The following C10orf90 variants were observed in gnomAD, a reference collection of about 807,000 sequenced individuals.
C10orf90 encodes the protein chromosome 10 open reading frame 90.
In C10orf90, 56 loss-of-function variants were observed where a neutral mutation model predicts 62.5. The observed-to-expected ratio is 0.90, with a 90% CI of 0.72 to 1.12. The LOEUF is 1.12. Ranked by LOEUF, C10orf90 falls within the 50% of genes most tolerant of loss-of-function variation. The pLI is 0.00. For synonymous variants in C10orf90, 386 were observed against 340.4 expected (o/e 1.13, Z -1.47); for missense variants, 970 against 880.4 (o/e 1.10, Z -1.29).
At chr10:126,552,646 G>A (rs1307253683) in intron 2 of C10orf90, among the ~76,000 whole-genome samples, 2 of 152,182 alleles carry the variant, frequency 1.3e-5, no homozygotes, top group South Asian at 2.1e-4. Flanking sequence ...TGGCTCAGTG[G>A]GCATTTCCTT....
chr10:126,461,680 T>C, intron 5 of C10orf90, 95 bp from the exon 6 acceptor site: 1 of 1,255,754 alleles, frequency 8.0e-7, no homozygotes, highest in Admixed American at 2.6e-5. Context: ...ATTTTGAAAA[T>C]AGAAACGCCA....
At chr10:126,576,660 T>A (rs111459668) in intron 2 of C10orf90, among the ~76,000 whole-genome samples, 3,954 of 55,932 alleles carry the variant, frequency 0.071, 1,165 homozygotes, top group Middle Eastern at 0.13. Context: ...CCAAGATATG[T>A]ATACATATAT....
At chr10:126,638,563 C>T (rs1219775437) in intron 2 of C10orf90, among the ~76,000 whole-genome samples, 2 of 152,144 alleles carry the variant, frequency 1.3e-5, no homozygotes, top group Admixed American at 1.3e-4. Context: ...TCTCTCTCCC[C>T]CTGCCAGGCC....
chr10:126,458,900 G>C (rs527270597), intron 7 of C10orf90, 140 bp downstream of exon 7: 8 of 901,968 alleles, frequency 8.9e-6, no homozygotes, highest in South Asian at 5.5e-5. Context: ...TGATGCTGAG[G>C]GTCAGCCACT....
intron 4 of C10orf90, among the ~76,000 whole-genome samples, chr10:126,493,473 G>A (rs1861871999): frequency 6.6e-6 from 1 of 151,210 alleles, no homozygotes; most frequent in Non-Finnish European, 1.5e-5. Flanking sequence ...TGATTCATCT[G>A]CCTAAGTCTC....
chr10:126,588,434 C>T (rs1054437687), intron 2 of C10orf90, among the ~76,000 whole-genome samples: 5 of 152,096 alleles, frequency 3.3e-5, no homozygotes, highest in East Asian at 1.9e-4. Flanking sequence ...GTGTTCCAGC[C>T]GGCATCAGAT....
At chr10:126,446,492 TG>T (rs1564797665) in intron 7 of C10orf90, among the ~76,000 whole-genome samples, 2 of 152,118 alleles carry the variant, frequency 1.3e-5, no homozygotes, top group South Asian at 2.1e-4. Flanking sequence ...TTCAAAGTGC[TG>T]GGGGGAAAAA....
chr10:126,455,195 A>G (rs1165619898), intron 7 of C10orf90, among the ~76,000 whole-genome samples: 2 of 152,108 alleles, frequency 1.3e-5, no homozygotes, highest in Non-Finnish European at 2.9e-5. Flanking sequence ...CAGCATCTAC[A>G]GTTCATCTTT....
chr10:126,564,058 A>G (rs1464541130), intron 2 of C10orf90, among the ~76,000 whole-genome samples: 4 of 152,078 alleles, frequency 2.6e-5, no homozygotes, highest in Non-Finnish European at 1.5e-5. Context: ...CAGGTGTGAA[A>G]ACCACAAATG....
At chr10:126,636,715 T>C (rs1845958665) in intron 2 of C10orf90, among the ~76,000 whole-genome samples, 2 of 152,246 alleles carry the variant, frequency 1.3e-5, no homozygotes, top group South Asian at 2.1e-4. Flanking sequence ...TCAATTTATG[T>C]TGCATTTGTT....
chr10:126,431,115 T>G (rs1857546721), intron 7 of C10orf90, among the ~76,000 whole-genome samples: 1 of 152,210 alleles, frequency 6.6e-6, no homozygotes, highest in Non-Finnish European at 1.5e-5. Context: ...TATTTCCAAC[T>G]AAGTGGCTGT....
chr10:126,450,946 A>G (rs565129467), intron 7 of C10orf90, among the ~76,000 whole-genome samples: 1 of 152,318 alleles, frequency 6.6e-6, no homozygotes, highest in East Asian at 1.9e-4. Context: ...CATATGTCCA[A>G]TAAGGGGTTA....
At chr10:126,451,255 G>A (rs139407304) in intron 7 of C10orf90, among the ~76,000 whole-genome samples, 14 of 152,152 alleles carry the variant, frequency 9.2e-5, no homozygotes, top group African/African-American at 2.9e-4. Context: ...AAATTAGTAC[G>A]GCCATTATGG....
intron 2 of C10orf90, among the ~76,000 whole-genome samples, chr10:126,544,385 T>C (rs1864442962): frequency 2.0e-5 from 3 of 152,160 alleles, no homozygotes; most frequent in African/African-American, 7.2e-5. Flanking sequence ...CTCTAGAACT[T>C]GGCCCATCCT....
intron 4 of C10orf90, among the ~76,000 whole-genome samples, chr10:126,478,610 C>T (rs1861016625): frequency 1.3e-5 from 2 of 152,170 alleles, no homozygotes; most frequent in Non-Finnish European, 2.9e-5. Flanking sequence ...TCAAAGATGG[C>T]TGTTTCCTGC....
intron 2 of C10orf90, among the ~76,000 whole-genome samples, chr10:126,567,351 C>G (rs1307585129): frequency 6.6e-6 from 1 of 152,020 alleles, no homozygotes; most frequent in Non-Finnish European, 1.5e-5. Context: ...TTCAAACAAC[C>G]AGATCTTGTA....
intron 4 of C10orf90, among the ~76,000 whole-genome samples, chr10:126,493,910 A>G (rs1306639654): frequency 6.6e-6 from 1 of 152,230 alleles, no homozygotes; most frequent in Non-Finnish European, 1.5e-5. Context: ...CCAAATGTAC[A>G]ACACTGTGAC....
chr10:126,552,241 C>T (rs1310506092), intron 2 of C10orf90, among the ~76,000 whole-genome samples: 3 of 152,178 alleles, frequency 2.0e-5, no homozygotes, highest in Non-Finnish European at 4.4e-5. Context: ...ATACAGGGAA[C>T]CATGTAGTAT....
intron 7 of C10orf90, among the ~76,000 whole-genome samples, chr10:126,432,989 G>T (rs1857679820): frequency 6.6e-6 from 1 of 152,190 alleles, no homozygotes; most frequent in Admixed American, 6.5e-5. Context: ...GACCACAGTG[G>T]CTCTTCAGAA....
Sources: allele counts gnomAD v4.1 joint callset (sites outside exome capture counted in the v4.1 genomes callset), GRCh38; gene constraint gnomAD v4.1.1; transcripts MANE v1.5; gene names NCBI Gene and HGNC (gene_info 2026-07-23, HGNC 2026-07-21).